Variants in FANCC observed in about 807,000 individuals in gnomAD.
FANCC encodes FA complementation group C, also known as Fanconi anemia group C protein.
In FANCC, 55 loss-of-function variants were observed where a neutral mutation model predicts 71.3. The ratio of observed to expected loss-of-function variants is 0.77; its 90% confidence interval spans 0.62 to 0.97. FANCC has a LOEUF of 0.97. Among genes scored for constraint, FANCC ranks in the 50% least tolerant of loss-of-function variants. FANCC has a pLI of 0.00. For missense variants in FANCC, 678 were observed against 670.9 expected, an observed-to-expected ratio of 1.01 and a Z score of -0.12; for synonymous variants, 275 against 244.9, an observed-to-expected ratio of 1.12 and a Z score of -1.15.
chr9:95,265,124 G>C (rs1291984637), intron 1 of FANCC, among the ~76,000 whole-genome samples: 1 of 152,036 alleles, frequency 6.6e-6, no homozygotes, highest in Non-Finnish European at 1.5e-5. Flanking sequence ...TTTCTCTGTT[G>C]AGTCAGTGGC....
intron 1 of FANCC, among the ~76,000 whole-genome samples, chr9:95,273,798 G>T (rs1351190811): frequency 6.6e-6 from 1 of 152,154 alleles, no homozygotes; most frequent in African/African-American, 2.4e-5. Context: ...GTTTTCTACG[G>T]GGTCAGTTGC....
chr9:95,294,305 T>C (rs1327991404), intron 1 of FANCC: 7 of 1,584,110 alleles, frequency 4.4e-6, no homozygotes, highest in African/African-American at 4.0e-5. Context: ...GAGAGTGAAC[T>C]TAGCACCATG....
intron 9 of FANCC, 97 bp from the exon 10 acceptor site, chr9:95,125,282 T>C (rs757706591): frequency 3.3e-5 from 32 of 955,422 alleles, no homozygotes; most frequent in Non-Finnish European, 4.7e-5. Flanking sequence ...ACACTTTTTT[T>C]GTGCCATAAG....
intron 5 of FANCC, 86 bp from the exon 6 acceptor site, chr9:95,171,229 C>T (rs923527193): frequency 6.1e-5 from 61 of 996,482 alleles, no homozygotes; most frequent in African/African-American, 1.7e-4. Flanking sequence ...GTGATATTTC[C>T]GTTGAGATTC....
At chr9:95,311,742 T>TGA (rs1449311083) in intron 1 of FANCC, among the ~76,000 whole-genome samples, 1 of 151,706 alleles carries the variant, frequency 6.6e-6, no homozygotes, top group Admixed American at 6.6e-5. Context: ...TGTGTGTGTG[T>TGA]GTGAAAAACC....
intron 4 of FANCC, among the ~76,000 whole-genome samples, chr9:95,185,761 G>A (rs544107436): frequency 1.5e-4 from 23 of 152,196 alleles, no homozygotes; most frequent in South Asian, 4.2e-4. Flanking sequence ...ATAATTCAGC[G>A]AACAATTCCC....
intron 1 of FANCC, among the ~76,000 whole-genome samples, chr9:95,278,050 T>C (rs1040210665): frequency 6.6e-6 from 1 of 152,226 alleles, no homozygotes; most frequent in Non-Finnish European, 1.5e-5. Flanking sequence ...CACTGTACTG[T>C]TGGGCCTATA....
chr9:95,200,385 C>T lies in FANCC; in HGVS notation c.346-28238G>A, dbSNP rs4647466. Among the ~76,000 whole-genome samples, 507 of 152,306 alleles carry T rather than the reference C, an allele frequency of 3.3e-3. 9 individuals carry two copies. In the East Asian group the frequency reaches 0.044, roughly 13 times the overall value. On this transcript the variant is annotated intron_variant, in intron 4 of 14. Transcript: ENST00000289081. ...TGAGGGAATTAATTGGGGTAAGTCT[C>T]ATTTCAAAATGTGCGAAACTTTGTA...
intron 4 of FANCC, among the ~76,000 whole-genome samples, chr9:95,185,692 T>C (rs401469): frequency 4.6e-5 from 7 of 152,356 alleles, no homozygotes; most frequent in South Asian, 4.1e-4. Flanking sequence ...GTATTTAAAC[T>C]GTTCAATGAT....
intron 8 of FANCC, 117 bp downstream of exon 8, chr9:95,135,229 T>C (rs1220131587): frequency 1.0e-6 from 1 of 1,001,786 alleles, no homozygotes; most frequent in Non-Finnish European, 1.6e-6. Context: ...CACGATTATA[T>C]ATAAAGGTTC....
At chr9:95,222,860 C>A (rs1829369668) in intron 4 of FANCC, among the ~76,000 whole-genome samples, 2 of 152,214 alleles carry the variant, frequency 1.3e-5, no homozygotes, top group South Asian at 4.1e-4. Flanking sequence ...AAAAAATTTT[C>A]ATCCAGCTTA....
At chr9:95,195,562 G>A (rs976273146) in intron 4 of FANCC, among the ~76,000 whole-genome samples, 2 of 151,936 alleles carry the variant, frequency 1.3e-5, no homozygotes, top group Non-Finnish European at 2.9e-5. Flanking sequence ...ATTTCTCCCC[G>A]TTTTCTTGTC....
chr9:95,252,274 C>CAAAAAAAAAAAAAAAAAAAAAAGAAAA (rs71366284), intron 1 of FANCC, among the ~76,000 whole-genome samples: 1 of 50,158 alleles, frequency 2.0e-5, no homozygotes, highest in African/African-American at 7.9e-5. Context: ...GAGACTGATT[C>CAAAAAAAAAAAAAAAAAAAAAAGAAAA]AAAAAAAAAA....
At chr9:95,237,869 G>A (rs890007587) in intron 4 of FANCC, among the ~76,000 whole-genome samples, 1 of 152,158 alleles carries the variant, frequency 6.6e-6, no homozygotes, top group Non-Finnish European at 1.5e-5. Flanking sequence ...CTTTAATAAT[G>A]ATTAAATGTT....
intron 4 of FANCC, among the ~76,000 whole-genome samples, chr9:95,191,656 C>T (rs1272941024): frequency 6.6e-6 from 1 of 152,052 alleles, no homozygotes; most frequent in Non-Finnish European, 1.5e-5. Flanking sequence ...CCCAGCCATC[C>T]CCAAGCCCCT....
chr9:95,125,050 C>T, intron 10 of FANCC, 36 bp downstream of exon 10: 1 of 1,547,212 alleles, frequency 6.5e-7, no homozygotes, highest in East Asian at 2.2e-5. Flanking sequence ...GTCTTATTCT[C>T]TGGGATGAAT....
chr9:95,228,110 T>C (rs998471282), intron 4 of FANCC, among the ~76,000 whole-genome samples: 1 of 152,172 alleles, frequency 6.6e-6, no homozygotes, highest in Non-Finnish European at 1.5e-5. Context: ...AGGCAAGACC[T>C]TTCCATCCCC....
At chr9:95,160,824 CTGTT>C (rs562650901) in intron 6 of FANCC, among the ~76,000 whole-genome samples, 10 of 152,030 alleles carry the variant, frequency 6.6e-5, no homozygotes, top group Non-Finnish European at 1.0e-4. Context: ...ATTTGGCTCT[CTGTT>C]TGTCTGTTAT....
chr9:95,298,619 GT>G (rs1834540568), intron 1 of FANCC, among the ~76,000 whole-genome samples: 1 of 152,182 alleles, frequency 6.6e-6, no homozygotes, highest in Non-Finnish European at 1.5e-5. Context: ...TGAAGAAAAC[GT>G]CTTGTACCCA....
Sources: allele counts gnomAD v4.1 joint callset (sites outside exome capture counted in the v4.1 genomes callset), GRCh38; gene constraint gnomAD v4.1.1; transcripts MANE v1.5; gene names NCBI Gene and HGNC (gene_info 2026-07-23, HGNC 2026-07-21).